The following CSMD1 variants were observed in gnomAD, a reference collection of about 807,000 sequenced individuals.
The protein encoded by CSMD1 is CUB and Sushi multiple domains 1.
CSMD1 carries 213 observed loss-of-function variants against 417.5 expected under a neutral mutation model. That is an observed-to-expected ratio of 0.51 (90% CI 0.46 to 0.57). The LOEUF is 0.57. Among genes scored for constraint, CSMD1 ranks in the 20% least tolerant of loss-of-function variants. The pLI is 0.00. For synonymous variants in CSMD1, 2,862 were observed against 1,736.8 expected, an observed-to-expected ratio of 1.65 and a Z score of -16.11; for missense variants, 6,923 against 4,529.7, an observed-to-expected ratio of 1.53 and a Z score of -15.17.
intron 21 of CSMD1, among the ~76,000 whole-genome samples, chr8:3,354,093 G>C (rs1343956809): frequency 6.6e-6 from 1 of 151,994 alleles, no homozygotes; most frequent in Non-Finnish European, 1.5e-5. Context: ...TTCAATATTC[G>C]GCAAGGTCAT....
At chr8:4,418,350 C>G (rs975443715) in intron 3 of CSMD1, among the ~76,000 whole-genome samples, 5 of 152,060 alleles carry the variant, frequency 3.3e-5, no homozygotes, top group South Asian at 2.1e-4. Context: ...CAATCTTGCC[C>G]TATTTTCTTC....
intron 9 of CSMD1, among the ~76,000 whole-genome samples, chr8:3,578,390 G>A (rs572660138): frequency 4.2e-4 from 63 of 149,480 alleles, no homozygotes; most frequent in African/African-American, 1.5e-3. Flanking sequence ...CTAGTTAGAC[G>A]GGAAGGGCAC....
intron 10 of CSMD1, among the ~76,000 whole-genome samples, chr8:3,560,377 T>C (rs373856562): frequency 3.0e-4 from 45 of 152,236 alleles, no homozygotes; most frequent in East Asian, 2.7e-3. Context: ...TATGAGGACA[T>C]TGAGAGTCAA....
At chr8:3,556,249 T>C (rs972469566) in intron 10 of CSMD1, among the ~76,000 whole-genome samples, 9 of 151,538 alleles carry the variant, frequency 5.9e-5, no homozygotes, top group Non-Finnish European at 1.2e-4. Context: ...TCCATGTTTT[T>C]TGGTACCCAT....
intron 3 of CSMD1, among the ~76,000 whole-genome samples, chr8:4,185,186 G>C (rs369360171): frequency 9.9e-5 from 12 of 121,270 alleles, no homozygotes; most frequent in Non-Finnish European, 2.0e-4. Context: ...AAACCAAAAA[G>C]AAACACAAAA....
intron 1 of CSMD1, among the ~76,000 whole-genome samples, chr8:4,952,412 G>C (rs1307673305): frequency 6.6e-6 from 1 of 152,002 alleles, no homozygotes; most frequent in Non-Finnish European, 1.5e-5. Context: ...TTGTAAAATG[G>C]AAGAGTCTAT....
chr8:3,719,568 C>T (rs1802029568), intron 6 of CSMD1, among the ~76,000 whole-genome samples: 1 of 152,082 alleles, frequency 6.6e-6, no homozygotes, highest in Non-Finnish European at 1.5e-5. Context: ...CATGTAAGAG[C>T]AATAATACAT....
In CSMD1 at chr8:2,987,043, T is replaced by G. The variant is rs867097391; in HGVS notation, c.8378-8243A>C. On this transcript the variant is annotated intron_variant, in intron 54 of 69. Transcript: ENST00000635120. ...ACATTCCCTCTTAACTGATTTTAAC[T>G]CAGCCCTAAGGCAAAGTTACAACTA... Among the ~76,000 whole-genome samples the G allele has an allele frequency of 2.6e-5, 4 of 152,260 alleles. 1 individual carries two copies. In the South Asian group the frequency reaches 6.2e-4, roughly 24 times the overall value.
intron 5 of CSMD1, among the ~76,000 whole-genome samples, chr8:3,959,674 A>C (rs1812193070): frequency 6.6e-6 from 1 of 152,220 alleles, no homozygotes; most frequent in Non-Finnish European, 1.5e-5. Flanking sequence ...CTTATGTCCT[A>C]GTACAGCAGG....
At chr8:4,862,797 C>G (rs986825287) in intron 1 of CSMD1, among the ~76,000 whole-genome samples, 1 of 151,972 alleles carries the variant, frequency 6.6e-6, no homozygotes, top group African/African-American at 2.4e-5. Flanking sequence ...CGGTGACAGC[C>G]TAAAGGGATT....
chr8:4,110,074 T>G (rs975617930), intron 3 of CSMD1, among the ~76,000 whole-genome samples: 4 of 152,130 alleles, frequency 2.6e-5, no homozygotes, highest in African/African-American at 4.8e-5. Context: ...AATGATCACG[T>G]GGAATAATAA....
intron 9 of CSMD1, among the ~76,000 whole-genome samples, chr8:3,575,982 A>C (rs1490945985): frequency 6.7e-6 from 1 of 148,172 alleles, no homozygotes; most frequent in Non-Finnish European, 1.5e-5. Flanking sequence ...TTAATGTAAG[A>C]GAACTTCTGC....
At chr8:4,817,077 T>C (rs886288593) in intron 1 of CSMD1, among the ~76,000 whole-genome samples, 4 of 152,298 alleles carry the variant, frequency 2.6e-5, no homozygotes, top group African/African-American at 9.6e-5. Flanking sequence ...AGACCATGTA[T>C]ATACAACTTT....
rs541867145 is a variant in CSMD1, at chr8:4,076,056, G to C, written c.416-43957C>G. Among the ~76,000 whole-genome samples the C allele has an allele frequency of 2.6e-5, 4 of 152,184 alleles. No homozygotes were observed. The South Asian group carries it at 6.2e-4, about 24-fold the overall frequency. On this transcript the variant is annotated intron_variant, in intron 3 of 69. Transcript: ENST00000635120. ...TATGGAAAGATAAGTGATATGGTTT[G>C]GCTGTGTCCCCACCCAAATCTCATC...
At chr8:4,079,992 C>A (rs914101637) in intron 3 of CSMD1, among the ~76,000 whole-genome samples, 1 of 149,442 alleles carries the variant, frequency 6.7e-6, no homozygotes, top group Admixed American at 6.6e-5. Context: ...AAATTATGTT[C>A]GAATATTGGT....
intron 4 of CSMD1, among the ~76,000 whole-genome samples, chr8:4,013,372 C>G (rs748979188): frequency 1.3e-5 from 2 of 152,228 alleles, no homozygotes; most frequent in African/African-American, 4.8e-5. Flanking sequence ...CTGTCAGAAC[C>G]ACATTTCTGA....
chr8:3,805,648 T>C (rs1231755155), intron 5 of CSMD1, among the ~76,000 whole-genome samples: 1 of 152,172 alleles, frequency 6.6e-6, no homozygotes, highest in Non-Finnish European at 1.5e-5. Context: ...GGGAGTAAAA[T>C]GAAGGCAAGT....
At chr8:3,998,634 T>C (rs977276925) in intron 4 of CSMD1, among the ~76,000 whole-genome samples, 6 of 152,112 alleles carry the variant, frequency 3.9e-5, no homozygotes, top group African/African-American at 1.4e-4. Flanking sequence ...CATCACCTCA[T>C]AAAAAGGTTC....
chr8:3,698,778 G>C (rs1028415942), intron 7 of CSMD1, among the ~76,000 whole-genome samples: 3 of 152,232 alleles, frequency 2.0e-5, no homozygotes, highest in Non-Finnish European at 2.9e-5. Context: ...CGGACTAATA[G>C]AGTGAAAATG....
Sources: allele counts gnomAD v4.1 joint callset (sites outside exome capture counted in the v4.1 genomes callset), GRCh38; gene constraint gnomAD v4.1.1; transcripts MANE v1.5; gene names NCBI Gene and HGNC (gene_info 2026-07-23, HGNC 2026-07-21).